EFCAB11: variants seen among roughly 807,000 people sequenced by gnomAD.
The protein encoded by EFCAB11 is EF-hand calcium binding domain 11.
A neutral mutation model predicts 23.0 loss-of-function variants in EFCAB11; 14 were observed. That is an observed-to-expected ratio of 0.61 (90% CI 0.40 to 0.95). The LOEUF (loss-of-function observed/expected upper bound fraction) is 0.95. Ranked by LOEUF, EFCAB11 falls within the 40% of genes least tolerant of loss-of-function variation. The probability of loss-of-function intolerance (pLI) is 0.00; values close to 1 mark genes in which losing one functional copy is unlikely to be tolerated. For synonymous variants in EFCAB11, 65 were observed against 66.6 expected (o/e 0.98, Z 0.11); for missense variants, 198 against 195.8 (o/e 1.01, Z -0.07).
chr14:89,939,063 T>G (rs1006688545), intron 3 of EFCAB11, among the ~76,000 whole-genome samples: 3 of 152,078 alleles, frequency 2.0e-5, no homozygotes, highest in African/African-American at 7.3e-5. Flanking sequence ...AATTGTTACT[T>G]TTTTATTATA....
At chr14:89,862,144 G>T (rs1264441016) in intron 5 of EFCAB11, among the ~76,000 whole-genome samples, 1 of 152,156 alleles carries the variant, frequency 6.6e-6, no homozygotes, top group Non-Finnish European at 1.5e-5. Flanking sequence ...CAGCAGAAGG[G>T]TCTCCACAAA....
intron 5 of EFCAB11, among the ~76,000 whole-genome samples, chr14:89,831,691 G>A (rs1396113886): frequency 3.9e-5 from 6 of 152,120 alleles, no homozygotes; most frequent in South Asian, 2.1e-4. Context: ...GGAAAAAATC[G>A]TACTTTATTT....
chr14:89,867,447 T>C (rs1046727086), intron 5 of EFCAB11, among the ~76,000 whole-genome samples: 30 of 152,192 alleles, frequency 2.0e-4, no homozygotes, highest in African/African-American at 6.7e-4. Context: ...TTAGAAACAG[T>C]ATAAGGAAAG....
At position 89,796,333 on chromosome 14, in the gene EFCAB11, G is replaced by T. The variant is rs1395207868; in HGVS notation, c.*910C>A. The T allele has an allele frequency of 6.6e-6, 1 of 152,126 alleles. No homozygotes were observed. Among genetic ancestry groups the T allele is most frequent in the Non-Finnish European group, 1.5e-5 (1 of 68,066 alleles). The allele number at this position is 152,126 out of a possible 1,614,324, so 9.4% of individuals were successfully genotyped here. A position where few individuals can be genotyped will look rare whatever the true frequency, so the allele number is the denominator to read the frequency against. On this transcript the variant is annotated 3_prime_UTR_variant, in exon 6 of 6. Coordinates refer to ENST00000316738, the MANE Select transcript of EFCAB11 (RefSeq NM_145231.4). Reference sequence around the variant, plus strand: ...TTGAAAGTGTTTTTTTAGAGACAGGGTCTTGCTCTATCATCCAGGCTGGAG... The same window carrying T: ...TTGAAAGTGTTTTTTTAGAGACAGGTTCTTGCTCTATCATCCAGGCTGGAG...
At chr14:89,843,935 A>T (rs955528356) in intron 5 of EFCAB11, among the ~76,000 whole-genome samples, 1 of 152,242 alleles carries the variant, frequency 6.6e-6, no homozygotes, top group Non-Finnish European at 1.5e-5. Flanking sequence ...TTCACTTGAA[A>T]GCTTGAATTT....
At chr14:89,900,269 A>T (rs1025863388) in intron 5 of EFCAB11, among the ~76,000 whole-genome samples, 4 of 152,206 alleles carry the variant, frequency 2.6e-5, no homozygotes, top group African/African-American at 4.8e-5. Flanking sequence ...TATTTAAGAT[A>T]TATAAATCCA....
intron 5 of EFCAB11, among the ~76,000 whole-genome samples, chr14:89,900,933 C>A (rs995541652): frequency 6.6e-6 from 1 of 151,930 alleles, no homozygotes; most frequent in Admixed American, 6.6e-5. Flanking sequence ...AAGTTTAATT[C>A]GGTGGAAATT....
chr14:89,822,507 C>G (rs1453426108), intron 5 of EFCAB11, among the ~76,000 whole-genome samples: 1 of 152,214 alleles, frequency 6.6e-6, no homozygotes, highest in African/African-American at 2.4e-5. Flanking sequence ...ACCCTTGGCA[C>G]TCCACTGGTT....
At chr14:89,949,507 G>A (rs1891090857) in intron 3 of EFCAB11, among the ~76,000 whole-genome samples, 1 of 151,470 alleles carries the variant, frequency 6.6e-6, no homozygotes, top group African/African-American at 2.4e-5. Context: ...TGGGATTATA[G>A]GTGCCTGCCA....
intron 1 of EFCAB11, 88 bp from the exon 2 acceptor site, chr14:89,954,089 C>G: frequency 8.4e-7 from 1 of 1,184,212 alleles, no homozygotes; most frequent in African/African-American, 1.6e-5. Flanking sequence ...CCTCGAAAAT[C>G]TAAAACTTGG....
chr14:89,834,375 CAAAAAAAAAAAAAA>C (rs5810476), intron 5 of EFCAB11, among the ~76,000 whole-genome samples: 3 of 32,434 alleles, frequency 9.2e-5, no homozygotes, highest in Admixed American at 5.9e-4. Flanking sequence ...GACTCCGTCT[CAAAAAAAAAAAAAA>C]AAAAAAAAAA....
At chr14:89,937,343 T>A (rs1890621352) in intron 3 of EFCAB11, among the ~76,000 whole-genome samples, 3 of 152,178 alleles carry the variant, frequency 2.0e-5, no homozygotes, top group Non-Finnish European at 4.4e-5. Context: ...TATCCAACAG[T>A]GTCTTTGAAT....
At chr14:89,839,950 G>A (rs1024301575) in intron 5 of EFCAB11, among the ~76,000 whole-genome samples, 62 of 152,138 alleles carry the variant, frequency 4.1e-4, no homozygotes, top group African/African-American at 1.5e-3. Flanking sequence ...CAACACTGGG[G>A]ATTACAACTG....
intron 5 of EFCAB11, among the ~76,000 whole-genome samples, chr14:89,805,505 A>C (rs141978869): frequency 7.2e-5 from 11 of 152,340 alleles, no homozygotes; most frequent in African/African-American, 2.6e-4. Context: ...TTGCTATTCC[A>C]ACAGCCTTTT....
At chr14:89,907,517 C>A (rs1889536002) in intron 5 of EFCAB11, among the ~76,000 whole-genome samples, 1 of 152,090 alleles carries the variant, frequency 6.6e-6, no homozygotes, top group Non-Finnish European at 1.5e-5. Flanking sequence ...ATATCCCCAA[C>A]CTTAGGGCTA....
intron 5 of EFCAB11, among the ~76,000 whole-genome samples, chr14:89,810,075 T>C (rs554775999): frequency 1.3e-5 from 2 of 152,338 alleles, no homozygotes; most frequent in South Asian, 2.1e-4. Flanking sequence ...ACCATCAATA[T>C]GACTGTGATT....
chr14:89,951,281 G>A (rs896387134), intron 2 of EFCAB11, among the ~76,000 whole-genome samples: 2 of 151,876 alleles, frequency 1.3e-5, no homozygotes, highest in Non-Finnish European at 2.9e-5. Flanking sequence ...AGTCCCAGTG[G>A]TCATGTCACT....
chr14:89,807,358 C>T (rs550340110), intron 5 of EFCAB11, among the ~76,000 whole-genome samples: 1 of 152,306 alleles, frequency 6.6e-6, no homozygotes, highest in South Asian at 2.1e-4. Flanking sequence ...GATGTGGCCT[C>T]TCTGAAAGCA....
At chr14:89,801,935 A>T (rs1885794074) in intron 5 of EFCAB11, among the ~76,000 whole-genome samples, 9 of 151,790 alleles carry the variant, frequency 5.9e-5, no homozygotes, top group Admixed American at 5.9e-4. Context: ...TGGAGGTTGC[A>T]GTGAGCTGAG....
Sources: allele counts gnomAD v4.1 joint callset (sites outside exome capture counted in the v4.1 genomes callset), GRCh38; gene constraint gnomAD v4.1.1; transcripts MANE v1.5; gene names NCBI Gene and HGNC (gene_info 2026-07-23, HGNC 2026-07-21).